MTA3: variants seen among roughly 807,000 people sequenced by gnomAD.
MTA3 encodes metastasis-associated protein MTA3.
In MTA3, 34 loss-of-function variants were observed where a neutral mutation model predicts 83.5. That is an observed-to-expected ratio of 0.41 (90% CI 0.31 to 0.54). The LOEUF is 0.54. Among genes scored for constraint, MTA3 ranks in the 20% least tolerant of loss-of-function variants. The probability of loss-of-function intolerance (pLI) is 0.33; values close to 1 mark genes in which losing one functional copy is unlikely to be tolerated. For missense variants in MTA3, 761 were observed against 726.4 expected, an observed-to-expected ratio of 1.05 and a Z score of -0.55; for synonymous variants, 303 against 252.7, an observed-to-expected ratio of 1.20 and a Z score of -1.89.
intron 8 of MTA3, among the ~76,000 whole-genome samples, chr2:42,665,365 C>G (rs1690140685): frequency 6.6e-6 from 1 of 151,094 alleles, no homozygotes; most frequent in East Asian, 2.0e-4. Context: ...GCACTTCAGC[C>G]TGGGTGACAG....
intron 2 of MTA3, among the ~76,000 whole-genome samples, chr2:42,543,378 A>G (rs1166148328): frequency 6.6e-6 from 1 of 151,942 alleles, no homozygotes; most frequent in Non-Finnish European, 1.5e-5. Flanking sequence ...GGGTTTCACT[A>G]TGTTGGTCAG....
Position 42,656,198 on chromosome 2 carries a change from A to T in MTA3, c.500-2A>T. 1 of 1,610,084 alleles carries T rather than the reference A, an allele frequency of 6.2e-7. No individual in the cohort carries two copies. The highest frequency in any genetic ancestry group is 1.1e-5 in the South Asian group (1 of 90,978). On this transcript the variant is annotated splice_acceptor_variant, in intron 6 of 16. Coordinates refer to ENST00000405094, the MANE Select transcript of MTA3 (RefSeq NM_001330442.2). LOFTEE classifies it high-confidence loss of function. ...GACTCCATTTTATTTATTTTTGGACAGGAGAATCAGATGAGAGGGAACAAT... is the reference window on the plus strand; with the variant it reads ...GACTCCATTTTATTTATTTTTGGACTGGAGAATCAGATGAGAGGGAACAAT...
chr2:42,592,174 A>C (rs764635168), intron 3 of MTA3, among the ~76,000 whole-genome samples: 6 of 152,106 alleles, frequency 3.9e-5, no homozygotes, highest in Non-Finnish European at 7.4e-5. Flanking sequence ...AGGCAGGAGG[A>C]TTGGTTGAGC....
intron 2 of MTA3, among the ~76,000 whole-genome samples, chr2:42,556,561 G>C (rs1677401681): frequency 6.6e-6 from 1 of 152,156 alleles, no homozygotes; most frequent in African/African-American, 2.4e-5. Context: ...CATGCCACTG[G>C]CCGGGAGTCA....
rs1491157870 is a variant in MTA3 at position 42,548,828 on chromosome 2, TAA to T, written c.-140-21608_-140-21607del. On this transcript the variant is annotated intron_variant, in intron 2 of 17. Transcript: ENST00000405592. The stretch of plus-strand genomic sequence containing the variant: ...AAAAAAAAATATATATATATATATA[TAA>T]TATATATATATATATAATATATATA... Among the ~76,000 whole-genome samples, 25 of 16,110 alleles carry T rather than the reference TAA, an allele frequency of 1.6e-3. 4 individuals carry two copies. The highest frequency in any genetic ancestry group is 3.1e-3 in the African/African-American group (19 of 6,136). 10.6% of individuals were successfully genotyped at this position (16,110 alleles called of 152,430 possible). A position where few individuals can be genotyped will look rare whatever the true frequency, so the allele number is the denominator to read the frequency against.
chr2:42,701,170 C>T (rs993180068), intron 11 of MTA3, among the ~76,000 whole-genome samples: 18 of 151,322 alleles, frequency 1.2e-4, no homozygotes, highest in African/African-American at 4.1e-4. Flanking sequence ...GGCATGGTGG[C>T]GTGTGACTGT....
chr2:42,655,821 T>G (rs1689117480), intron 6 of MTA3, among the ~76,000 whole-genome samples: 1 of 152,244 alleles, frequency 6.6e-6, no homozygotes, highest in South Asian at 2.1e-4. Flanking sequence ...CAGGCTTGTT[T>G]CAAACTTCTG....
chr2:42,688,133 T>C (rs1323855277), intron 9 of MTA3, among the ~76,000 whole-genome samples: 4 of 152,216 alleles, frequency 2.6e-5, no homozygotes, highest in African/African-American at 9.6e-5. Context: ...AGGTGTGGCA[T>C]GATCATAGCT....
intron 9 of MTA3, among the ~76,000 whole-genome samples, chr2:42,682,935 G>T (rs968236260): frequency 1.3e-5 from 2 of 152,142 alleles, no homozygotes; most frequent in East Asian, 3.9e-4. Context: ...CGCTGGGCGT[G>T]GTGGCACGTG....
rs1692025575 is a variant in MTA3 at position 42,682,584 on chromosome 2, G to T, written c.886G>T (p.Asp296Tyr). ...YGKDFNDIRQ[D>Y]FLPWKSLTSI... ...CAAAGACTTCAATGACATACGGCAA[G>T]ATTTTGTAAGTAGAAAATTATGAGT... The change falls in exon 9 of 17, where the codon GAT becomes TAT. Residue 296 changes from aspartate to tyrosine, a missense_variant. By Grantham distance (160) the Asp-to-Tyr change is radical. Coordinates refer to ENST00000405094, the MANE Select transcript of MTA3 (RefSeq NM_001330442.2). The T allele has an allele frequency of 6.2e-7, 1 of 1,608,202 alleles. No homozygotes were observed. The highest frequency in any genetic ancestry group is 8.5e-7 in the Non-Finnish European group (1 of 1,177,206).
intron 4 of MTA3, among the ~76,000 whole-genome samples, chr2:42,616,990 A>G (rs548213843): frequency 1.3e-5 from 2 of 152,186 alleles, no homozygotes; most frequent in African/African-American, 4.8e-5. Context: ...TTCTGAGTCA[A>G]CCTCGGACTT....
chr2:42,506,573 T>C (rs1300832419), intron 2 of MTA3, among the ~76,000 whole-genome samples: 1 of 151,970 alleles, frequency 6.6e-6, no homozygotes. Flanking sequence ...GATCTGAAAA[T>C]AGAGAGGTGT....
chr2:42,656,129 A>T (rs1689154433), intron 6 of MTA3, 71 bp from the exon 7 acceptor site: 1 of 1,119,756 alleles, frequency 8.9e-7, no homozygotes, highest in South Asian at 1.3e-5. Flanking sequence ...CTATGGTGAC[A>T]GTTGTCATCA....
upstream of MTA3, among the ~76,000 whole-genome samples, chr2:42,563,869 G>A (rs1677783410): frequency 6.8e-6 from 1 of 147,940 alleles, no homozygotes; most frequent in African/African-American, 2.5e-5. Context: ...TGTTGCCCAG[G>A]CTGGAGTGCA....
chr2:42,698,252 A>T (rs915159366), intron 11 of MTA3, among the ~76,000 whole-genome samples: 1 of 152,202 alleles, frequency 6.6e-6, no homozygotes, highest in African/African-American at 2.4e-5. Context: ...TCCAATGGCA[A>T]TTAGAACCAT....
intron 2 of MTA3, among the ~76,000 whole-genome samples, chr2:42,532,464 T>C (rs1484447099): frequency 2.6e-5 from 4 of 152,132 alleles, no homozygotes; most frequent in South Asian, 2.1e-4. Context: ...GAGCCAAGAC[T>C]GCGCCTCTGC....
intron 2 of MTA3, chr2:42,511,830 A>G (rs1273191088): frequency 6.6e-6 from 1 of 152,194 alleles, no homozygotes. Flanking sequence ...CATCCTAGCT[A>G]ACACAGTGAA....
intron 14 of MTA3, 140 bp downstream of exon 14, chr2:42,709,236 T>C: frequency 1.4e-6 from 2 of 1,442,476 alleles, no homozygotes; most frequent in Non-Finnish European, 1.8e-6. Flanking sequence ...GTTTATTTTT[T>C]AACATTGTTT....
At chr2:42,748,093 A>T in intron 16 of MTA3, among the ~76,000 whole-genome samples, 1 of 151,844 alleles carries the variant, frequency 6.6e-6, no homozygotes, top group East Asian at 1.9e-4. Context: ...CAGTGGCGCG[A>T]TCTCAGCTCT....
Sources: allele counts gnomAD v4.1 joint callset (sites outside exome capture counted in the v4.1 genomes callset), GRCh38; gene constraint gnomAD v4.1.1; transcripts MANE v1.5; gene names NCBI Gene and HGNC (gene_info 2026-07-23, HGNC 2026-07-21).